Variants in ARID4B observed in about 807,000 individuals in gnomAD.
ARID4B encodes AT-rich interaction domain 4B.
ARID4B carries 26 observed loss-of-function variants against 147.5 expected under a neutral mutation model. The ratio of observed to expected loss-of-function variants is 0.18; its 90% CI spans 0.13 to 0.24. The LOEUF is 0.24. ARID4B is among the 10% of genes least tolerant of loss of function. ARID4B has a pLI of 1.00. For missense variants in ARID4B, 1,179 were observed against 1,511.5 expected, an observed-to-expected ratio of 0.78 and a Z score of 3.65; for synonymous variants, 512 against 507.9, an observed-to-expected ratio of 1.01 and a Z score of -0.11.
chr1:235,270,289 A>T (rs1345724207), intron 2 of ARID4B, among the ~76,000 whole-genome samples: 1 of 152,226 alleles, frequency 6.6e-6, no homozygotes, highest in Non-Finnish European at 1.5e-5. Flanking sequence ...TCTCAAAAAA[A>T]CAAAAAACAA....
At chr1:235,209,776 C>G (rs1285996309) in intron 17 of ARID4B, among the ~76,000 whole-genome samples, 1 of 151,998 alleles carries the variant, frequency 6.6e-6, no homozygotes, top group Non-Finnish European at 1.5e-5. Flanking sequence ...GTTGGCCAGG[C>G]TGGTTTCGAA....
chr1:235,213,411 G>A (rs1666832453), intron 17 of ARID4B, among the ~76,000 whole-genome samples: 3 of 152,174 alleles, frequency 2.0e-5, no homozygotes, highest in Admixed American at 1.3e-4. Context: ...ACAAAAAAGA[G>A]GTTACTGTGG....
intron 19 of ARID4B, among the ~76,000 whole-genome samples, chr1:235,183,081 T>C (rs1664430742): frequency 6.6e-6 from 1 of 152,146 alleles, no homozygotes; most frequent in East Asian, 1.9e-4. Context: ...AAACTGTACC[T>C]TAATAAAGCT....
intron 11 of ARID4B, 84 bp downstream of exon 11, chr1:235,229,147 A>C: frequency 6.9e-7 from 1 of 1,456,702 alleles, no homozygotes; most frequent in South Asian, 1.4e-5. Flanking sequence ...TTATATGAGT[A>C]ATGACTTAAT....
Position 235,182,047 on chromosome 1 carries a change from G to A in ARID4B, c.2872C>T (p.Pro958Ser), listed in dbSNP as rs1216957844. 2 of 1,614,118 alleles carry A rather than the reference G, an allele frequency of 1.2e-6. No individual in the cohort carries two copies. Among genetic ancestry groups the A allele is most frequent in the East Asian group, 4.5e-5 (2 of 44,884 alleles). Residue 958 changes from proline to serine, a missense_variant, in exon 20 of 24, where the codon CCT (proline) becomes TCT (serine). This residue lies in a region of ARID4B where 357 missense variants were observed against 427.3 expected (regional missense o/e 0.84). Transcript: ENST00000264183. ...DTEAAASPPH[P>S]APEEGVAEES... Reference sequence around the variant, plus strand: ...TCTGCCACCCCCTCCTCTGGGGCAGGATGCGGTGGGGAAGCTGCAGCCTCA... The same window carrying A: ...TCTGCCACCCCCTCCTCTGGGGCAGAATGCGGTGGGGAAGCTGCAGCCTCA...
intron 2 of ARID4B, among the ~76,000 whole-genome samples, chr1:235,275,030 C>T (rs532855930): frequency 1.3e-4 from 19 of 150,058 alleles, no homozygotes; most frequent in South Asian, 4.2e-4. Flanking sequence ...TGTGCACGCG[C>T]GCAGACCGCT....
chr1:235,236,757 C>T (rs1474359431), intron 8 of ARID4B, among the ~76,000 whole-genome samples: 1 of 144,714 alleles, frequency 6.9e-6, no homozygotes, highest in Non-Finnish European at 1.5e-5. Context: ...AAGTGATCTG[C>T]CCACCTCGGC....
chr1:235,283,388 G>A (rs890212215), intron 2 of ARID4B, among the ~76,000 whole-genome samples: 1 of 151,936 alleles, frequency 6.6e-6, no homozygotes, highest in African/African-American at 2.4e-5. Flanking sequence ...TTAAAATGTT[G>A]AAAAAAGATG....
chr1:235,308,631 C>T (rs1037089960), intron 2 of ARID4B, among the ~76,000 whole-genome samples: 3 of 152,152 alleles, frequency 2.0e-5, no homozygotes, highest in Non-Finnish European at 4.4e-5. Context: ...CGCGCTGCCA[C>T]GCCTGACTGG....
chr1:235,189,627 C>T (rs1190101150), intron 19 of ARID4B, among the ~76,000 whole-genome samples: 1 of 151,340 alleles, frequency 6.6e-6, no homozygotes, highest in Non-Finnish European at 1.5e-5. Context: ...CAGTGTCATG[C>T]ACCTATACCC....
At chr1:235,176,437 CAAAAAAAAAAAAAAAAA>C (rs34808765) in intron 21 of ARID4B, among the ~76,000 whole-genome samples, 17 of 22,538 alleles carry the variant, frequency 7.5e-4, no homozygotes, top group African/African-American at 8.9e-4. Flanking sequence ...ACAACATCAC[CAAAAAAAAAAAAAAAAA>C]AAAAAAAAAA....
intron 19 of ARID4B, among the ~76,000 whole-genome samples, chr1:235,192,596 A>C (rs2102954499): frequency 6.6e-6 from 1 of 152,330 alleles, no homozygotes; most frequent in South Asian, 2.1e-4. Flanking sequence ...AGAAACAAAA[A>C]CTAGCTTCTA....
chr1:235,321,396 C>T (rs1468176498), intron 2 of ARID4B, among the ~76,000 whole-genome samples: 1 of 152,142 alleles, frequency 6.6e-6, no homozygotes, highest in African/African-American at 2.4e-5. Flanking sequence ...ACTCTTACAT[C>T]TTAACTAGCA....
chr1:235,232,941 G>A (rs938157350), intron 9 of ARID4B, among the ~76,000 whole-genome samples: 61 of 152,060 alleles, frequency 4.0e-4, no homozygotes, highest in African/African-American at 1.3e-3. Flanking sequence ...AGGTTCAAGC[G>A]ATTCTCCTGC....
chr1:235,192,305 A>C (rs1410139297), intron 19 of ARID4B, among the ~76,000 whole-genome samples: 1 of 152,136 alleles, frequency 6.6e-6, no homozygotes, highest in Non-Finnish European at 1.5e-5. Context: ...GATTACACAA[A>C]AGTCCAGACT....
chr1:235,208,569 C>T (rs1033963427), intron 17 of ARID4B, among the ~76,000 whole-genome samples: 9 of 152,174 alleles, frequency 5.9e-5, no homozygotes, highest in African/African-American at 2.2e-4. Context: ...ATGGCGCAAT[C>T]TCGGCTCACC....
intron 2 of ARID4B, among the ~76,000 whole-genome samples, chr1:235,294,590 A>C (rs1173763832): frequency 2.5e-5 from 3 of 118,796 alleles, no homozygotes; most frequent in Non-Finnish European, 3.6e-5. Context: ...GCTTGAACCC[A>C]GGGGTTCAAG....
intron 2 of ARID4B, among the ~76,000 whole-genome samples, chr1:235,283,221 G>C (rs1188332617): frequency 2.0e-5 from 3 of 152,172 alleles, no homozygotes; most frequent in African/African-American, 7.2e-5. Context: ...GGAGCTTTAA[G>C]TGATTTTAAG....
chr1:235,220,702 C>CA (rs200765661), intron 14 of ARID4B, among the ~76,000 whole-genome samples, 157 bp from the exon 15 acceptor site: 9 of 149,388 alleles, frequency 6.0e-5, no homozygotes, highest in East Asian at 3.9e-4. Context: ...CTTTTCAATG[C>CA]AAAAAAAAAA....
Sources: gnomAD v4.1 joint callset for allele counts (sites outside exome capture counted in the v4.1 genomes callset) on GRCh38, gnomAD v4.1.1 for gene constraint, gnomAD v4.1.1 regional missense constraint, MANE v1.5 for transcripts, NCBI Gene and HGNC (gene_info 2026-07-23, HGNC 2026-07-21) for gene names.